FRMD3: variants seen among roughly 807,000 people sequenced by gnomAD.
FRMD3 encodes FERM domain-containing protein 3.
Under a neutral mutation model 70.2 loss-of-function variants are expected in FRMD3, and 33 were observed. The ratio of observed to expected loss-of-function variants is 0.47; its 90% confidence interval spans 0.36 to 0.63. The LOEUF (loss-of-function observed/expected upper bound fraction) is 0.63, where lower values mean the gene tolerates loss of function less well. Among genes scored for constraint, FRMD3 ranks in the 20% least tolerant of loss-of-function variants. The probability of loss-of-function intolerance (pLI) is 0.00; values close to 1 mark genes in which losing one functional copy is unlikely to be tolerated. For missense variants in FRMD3, 632 were observed against 711.4 expected (o/e 0.89, Z 1.27); for synonymous variants, 279 against 255.9 (o/e 1.09, Z -0.86).
intron 1 of FRMD3, among the ~76,000 whole-genome samples, chr9:83,489,757 A>G (rs1166238303): frequency 6.6e-6 from 1 of 152,218 alleles, no homozygotes; most frequent in Non-Finnish European, 1.5e-5. Context: ...AACCTCAAAT[A>G]TCTGTAGAAA....
At chr9:83,302,883 C>T (rs999130434) in intron 10 of FRMD3, among the ~76,000 whole-genome samples, 1 of 152,188 alleles carries the variant, frequency 6.6e-6, no homozygotes, top group Admixed American at 6.5e-5. Flanking sequence ...AGCCTTCTGC[C>T]TTCCTTTCCA....
chr9:83,265,540 C>T (rs911118363), intron 13 of FRMD3, among the ~76,000 whole-genome samples: 3 of 150,944 alleles, frequency 2.0e-5, no homozygotes, highest in Non-Finnish European at 4.4e-5. Flanking sequence ...AGAAATACTA[C>T]AATCTATAAG....
intron 1 of FRMD3, among the ~76,000 whole-genome samples, chr9:83,427,796 C>T (rs973957413): frequency 6.6e-6 from 1 of 151,888 alleles, no homozygotes; most frequent in African/African-American, 2.4e-5. Context: ...GGCCAGCAAG[C>T]ATATGAAAAG....
At chr9:83,576,720 T>C in the FRMD3 span, among the ~76,000 whole-genome samples, 1 of 152,096 alleles carries the variant, frequency 6.6e-6, no homozygotes, top group Non-Finnish European at 1.5e-5. Context: ...TTACCACTTC[T>C]ATTTAACATT....
At chr9:83,488,998 G>GCACACC (rs1828751723) in intron 1 of FRMD3, among the ~76,000 whole-genome samples, 1 of 118,116 alleles carries the variant, frequency 8.5e-6, no homozygotes, top group African/African-American at 3.1e-5. Flanking sequence ...GTGTGTGTGT[G>GCACACC]TGTGTGTGTG....
At chr9:83,311,842 A>G in intron 8 of FRMD3, 45 bp downstream of exon 8, 1 of 1,357,454 alleles carries the variant, frequency 7.4e-7, no homozygotes, top group Non-Finnish European at 1.1e-6. Flanking sequence ...CGGAGGAATC[A>G]AGATTAAGAA....
chr9:83,330,498 A>G (rs541499387), intron 6 of FRMD3, among the ~76,000 whole-genome samples: 1 of 152,350 alleles, frequency 6.6e-6, no homozygotes, highest in African/African-American at 2.4e-5. Flanking sequence ...TTTTTCACAC[A>G]TAGTTTTACA....
chr9:83,507,687 C>CATATATATATATAT (rs60192207), intron 1 of FRMD3, among the ~76,000 whole-genome samples: 2 of 46,898 alleles, frequency 4.3e-5, no homozygotes, highest in Non-Finnish European at 9.6e-5. Flanking sequence ...AAAAAATATA[C>CATATATATATATAT]ATACATATAT....
chr9:83,428,509 CCA>C (rs141897507), intron 1 of FRMD3, among the ~76,000 whole-genome samples: 2 of 150,980 alleles, frequency 1.3e-5, no homozygotes, highest in African/African-American at 4.9e-5. Context: ...CACATATAAA[CCA>C]CACACACACA....
rs1587543020 is a variant in FRMD3 at position 83,538,320 on chromosome 9, G to C, written c.-89C>G. 3.9e-6 allele frequency: 5 copies of C among 1,297,988 alleles called. No homozygotes were observed. In the East Asian group the frequency reaches 1.4e-4, roughly 37 times the overall value. 80.4% of individuals were successfully genotyped at this position (1,297,988 alleles called of 1,614,324 possible). ...ACACACGCTCGCACGCACTGTCCGG[G>C]ACACCTGGGCGCGGCTCAGCCCCGG... On this transcript the variant is annotated 5_prime_UTR_variant, in exon 1 of 14. Coordinates refer to ENST00000304195, the MANE Select transcript of FRMD3 (RefSeq NM_174938.6). This position sits in a 1 kb window ranked among gnomAD's most constrained non-coding sequence, Gnocchi z 4.7.
Position 83,247,628 on chromosome 9 carries a change from A to T in FRMD3, c.*290T>A, listed in dbSNP as rs2118487203. 2 of 1,075,122 alleles carry T rather than the reference A, an allele frequency of 1.9e-6. No individual in the cohort carries two copies. The highest frequency in any genetic ancestry group is 2.3e-6 in the Non-Finnish European group (2 of 878,500). The allele number at this position is 1,075,122 out of a possible 1,614,324, so 66.6% of individuals were successfully genotyped here. The stretch of plus-strand genomic sequence containing the variant: ...GGAAAATCTAATTCAGTCCAATGTA[A>T]CATGTATTATGATATAATAGATGAA... On this transcript the variant is annotated 3_prime_UTR_variant, in exon 14 of 14. Coordinates refer to ENST00000304195, the MANE Select transcript of FRMD3 (RefSeq NM_174938.6).
chr9:83,565,985 C>CA, the FRMD3 span, among the ~76,000 whole-genome samples: 3 of 152,140 alleles, frequency 2.0e-5, no homozygotes, highest in East Asian at 3.9e-4. Context: ...ATAAAAAGGC[C>CA]AAAAAAATTG....
At chr9:83,507,736 AT>A (rs1486406974) in intron 1 of FRMD3, among the ~76,000 whole-genome samples, 1 of 88,700 alleles carries the variant, frequency 1.1e-5, no homozygotes, top group Admixed American at 1.3e-4. Flanking sequence ...ATATATATAT[AT>A]ATCTTCTGGA....
At chr9:83,322,244 T>C (rs1835829812) in intron 6 of FRMD3, among the ~76,000 whole-genome samples, 1 of 152,152 alleles carries the variant, frequency 6.6e-6, no homozygotes, top group Non-Finnish European at 1.5e-5. Flanking sequence ...CTGTTCCTCC[T>C]TGGCCAGGTG....
chr9:83,365,745 A>G (rs1824764670), intron 3 of FRMD3, among the ~76,000 whole-genome samples: 1 of 152,126 alleles, frequency 6.6e-6, no homozygotes, highest in Admixed American at 6.5e-5. Context: ...TTTTACTGAC[A>G]TTTTTGTACT....
the FRMD3 span, among the ~76,000 whole-genome samples, chr9:83,561,133 G>T: frequency 1.6e-3 from 242 of 152,212 alleles, 1 homozygote; most frequent in African/African-American, 5.6e-3. Context: ...CAGTGATTTT[G>T]TGAGCTACAC....
intron 1 of FRMD3, among the ~76,000 whole-genome samples, chr9:83,409,968 C>T (rs2131337380): frequency 6.6e-6 from 1 of 152,272 alleles, no homozygotes; most frequent in African/African-American, 2.4e-5. Context: ...TACATGCATG[C>T]CCAGCCCTCA....
intron 13 of FRMD3, among the ~76,000 whole-genome samples, chr9:83,277,050 A>G (rs1471372135): frequency 6.6e-6 from 1 of 152,230 alleles, no homozygotes; most frequent in Admixed American, 6.5e-5. Context: ...CAGGGCTACA[A>G]TGAGAGATAT....
At chr9:83,262,271 C>T (rs565932815) in intron 13 of FRMD3, among the ~76,000 whole-genome samples, 4 of 152,218 alleles carry the variant, frequency 2.6e-5, no homozygotes, top group Non-Finnish European at 5.9e-5. Context: ...CAATAACACA[C>T]ACTATGTAGT....
Sources: gnomAD v4.1 joint callset for allele counts (sites outside exome capture counted in the v4.1 genomes callset) on GRCh38, gnomAD v4.1.1 for gene constraint, Gnocchi (gnomAD v3.1) non-coding constraint, MANE v1.5 for transcripts, NCBI Gene and HGNC (gene_info 2026-07-23, HGNC 2026-07-21) for gene names.